NARS2: variants seen among roughly 807,000 people sequenced by gnomAD.
NARS2 encodes the protein asparaginyl-tRNA synthetase.
In NARS2, 60 loss-of-function variants were observed where a neutral mutation model predicts 62.9. The ratio of observed to expected loss-of-function variants is 0.95; its 90% CI spans 0.77 to 1.18. The LOEUF (loss-of-function observed/expected upper bound fraction) is 1.18, where lower values mean the gene tolerates loss of function less well. Among genes scored for constraint, NARS2 ranks in the 50% most tolerant of loss-of-function variants. NARS2 has a pLI of 0.00. For synonymous variants in NARS2, 196 were observed against 200.0 expected (o/e 0.98, Z 0.17); for missense variants, 619 against 576.4 (o/e 1.07, Z -0.76).
intron 6 of NARS2, among the ~76,000 whole-genome samples, chr11:78,500,797 A>G (rs917835351): frequency 5.3e-5 from 8 of 152,236 alleles, no homozygotes; most frequent in African/African-American, 1.9e-4. Context: ...TGTGTTACTT[A>G]AAAATAATGA....
At chr11:78,573,051 G>C (rs1366457898) in intron 1 of NARS2, 1 of 152,144 alleles carries the variant, frequency 6.6e-6, no homozygotes, top group African/African-American at 2.4e-5. Context: ...AGCACACAAA[G>C]TATCATTAAT....
intron 10 of NARS2, among the ~76,000 whole-genome samples, chr11:78,468,771 T>C (rs1858740842): frequency 6.6e-6 from 1 of 151,546 alleles, no homozygotes; most frequent in African/African-American, 2.4e-5. Flanking sequence ...TTTACAGTAA[T>C]ATTCTTTTTT....
chr11:78,461,940 A>G (rs7943673), intron 11 of NARS2, among the ~76,000 whole-genome samples: 34,201 of 152,110 alleles, frequency 0.22, 4,187 homozygotes, highest in East Asian at 0.41. Flanking sequence ...AAGACAGAGC[A>G]AGATTCCGTC....
At chr11:78,572,541 C>A (rs1251727651) in intron 1 of NARS2, among the ~76,000 whole-genome samples, 1 of 152,204 alleles carries the variant, frequency 6.6e-6, no homozygotes, top group Non-Finnish European at 1.5e-5. Flanking sequence ...GGGAACACAT[C>A]TTTCAGGACT....
intron 6 of NARS2, among the ~76,000 whole-genome samples, chr11:78,526,547 ATAT>A (rs1861300014): frequency 1.3e-5 from 2 of 152,334 alleles, no homozygotes; most frequent in South Asian, 4.1e-4. Flanking sequence ...TATGTTCTGC[ATAT>A]TAATAGTCCT....
At chr11:78,506,973 C>T (rs1357050173) in intron 6 of NARS2, among the ~76,000 whole-genome samples, 3 of 152,198 alleles carry the variant, frequency 2.0e-5, no homozygotes, top group African/African-American at 7.2e-5. Flanking sequence ...ACCCCTCTCC[C>T]AGCCCTGAGG....
At chr11:78,560,714 T>C (rs1359677937) in intron 4 of NARS2, among the ~76,000 whole-genome samples, 1 of 152,214 alleles carries the variant, frequency 6.6e-6, no homozygotes, top group Non-Finnish European at 1.5e-5. Context: ...TGTGGACTGA[T>C]TAAATATTCA....
intron 6 of NARS2, among the ~76,000 whole-genome samples, chr11:78,526,545 G>A (rs944556914): frequency 2.0e-5 from 3 of 152,156 alleles, no homozygotes; most frequent in Non-Finnish European, 4.4e-5. Flanking sequence ...ATTATGTTCT[G>A]CATATTAATA....
rs372049352 is a variant in NARS2 at position 78,490,995 on chromosome 11, G to C, written c.822+2068C>G. On this transcript the variant is annotated intron_variant, in intron 7 of 13. Coordinates refer to ENST00000281038, the MANE Select transcript of NARS2 (RefSeq NM_024678.6). ...ACTAATATAACTGAGAAAAATAAAC[G>C]ATATCTTGCAACCCTGTCATATGGT... 7.2e-5 allele frequency among the ~76,000 whole-genome samples: 11 copies of C among 152,156 alleles called. No individual in the cohort carries two copies. In the South Asian group the frequency reaches 2.1e-3, roughly 29 times the overall value.
chr11:78,511,223 A>G (rs1186015857), intron 6 of NARS2, among the ~76,000 whole-genome samples: 1 of 152,178 alleles, frequency 6.6e-6, no homozygotes, highest in Non-Finnish European at 1.5e-5. Flanking sequence ...AACTACAGGC[A>G]TGTGCCACCA....
chr11:78,572,574 A>G (rs1363236593), intron 1 of NARS2, among the ~76,000 whole-genome samples: 2 of 152,156 alleles, frequency 1.3e-5, no homozygotes, highest in African/African-American at 4.8e-5. Flanking sequence ...CACCTCATGC[A>G]AGATATCTTC....
At position 78,443,633 on chromosome 11, in the gene NARS2, T is replaced by C. The variant is rs550121836; in HGVS notation, c.1262+28A>G. On this transcript the variant is annotated intron_variant, in intron 12 of 13. Coordinates refer to ENST00000281038, the MANE Select transcript of NARS2 (RefSeq NM_024678.6). ...GAGCGCCTTATGCTCAATTTCTCAA[T>C]TGTGTTTCTTTTAGGTCTGACCAGT... The C allele has an allele frequency of 5.7e-5, 88 of 1,537,420 alleles. No homozygotes were observed. In the South Asian group the frequency reaches 7.5e-4, roughly 13 times the overall value.
chr11:78,559,596 A>T lies in NARS2; in HGVS notation c.537T>A (p.His179Gln). The change falls in exon 5 of 14, where the codon CAT becomes CAA. Residue 179 changes from histidine to glutamine, a missense_variant. Transcript: ENST00000281038. ...AGTCATTGGATGTGATTATTGGAGT[A>T]TGAATATGTACAAAGCCACTGTCCT... ...FFKDSGFVHI[H>Q]TPIITSNDSE... The T allele has an allele frequency of 6.2e-7, 1 of 1,612,816 alleles. No homozygotes were observed. The highest frequency in any genetic ancestry group is 8.5e-7 in the Non-Finnish European group (1 of 1,179,018).
chr11:78,503,357 C>A (rs1226826150), intron 6 of NARS2, among the ~76,000 whole-genome samples: 3 of 152,108 alleles, frequency 2.0e-5, no homozygotes, highest in African/African-American at 7.2e-5. Flanking sequence ...CCTGTCTCAG[C>A]CTCCCGAATA....
intron 11 of NARS2, among the ~76,000 whole-genome samples, chr11:78,457,097 G>C (rs915177302): frequency 2.6e-5 from 4 of 152,222 alleles, no homozygotes; most frequent in Admixed American, 2.6e-4. Context: ...CAGGTAACTA[G>C]TAAGGTATCT....
At chr11:78,481,185 G>C (rs1180323191) in intron 7 of NARS2, among the ~76,000 whole-genome samples, 1 of 152,032 alleles carries the variant, frequency 6.6e-6, no homozygotes, top group Non-Finnish European at 1.5e-5. Context: ...AGAATGTATA[G>C]ATTCTAAACT....
At chr11:78,458,232 T>C (rs1189355921) in intron 11 of NARS2, among the ~76,000 whole-genome samples, 1 of 152,192 alleles carries the variant, frequency 6.6e-6, no homozygotes, top group Admixed American at 6.5e-5. Flanking sequence ...CTATATTCCA[T>C]AAATACATAC....
At chr11:78,541,428 G>T (rs1855617009) in intron 5 of NARS2, among the ~76,000 whole-genome samples, 1 of 151,552 alleles carries the variant, frequency 6.6e-6, no homozygotes, top group South Asian at 2.1e-4. Context: ...GCCTTCCGAT[G>T]GGACTACAGG....
intron 6 of NARS2, among the ~76,000 whole-genome samples, chr11:78,527,860 A>C (rs2135425361): frequency 6.6e-6 from 1 of 152,322 alleles, no homozygotes; most frequent in Non-Finnish European, 1.5e-5. Flanking sequence ...TTGTAATCCC[A>C]GTGCTTTGGG....
Sources: allele counts gnomAD v4.1 joint callset (sites outside exome capture counted in the v4.1 genomes callset), GRCh38; gene constraint gnomAD v4.1.1; transcripts MANE v1.5; gene names NCBI Gene and HGNC (gene_info 2026-07-23, HGNC 2026-07-21).